The following ABCB11 variants were observed in gnomAD, a reference collection of about 807,000 sequenced individuals.
The protein encoded by ABCB11 is ATP binding cassette subfamily B member 11.
ABCB11 carries 95 observed loss-of-function variants against 148.0 expected under a neutral mutation model. The ratio of observed to expected loss-of-function variants is 0.64; its 90% CI spans 0.54 to 0.76. The LOEUF (loss-of-function observed/expected upper bound fraction) is 0.76, where lower values mean the gene tolerates loss of function less well. Ranked by LOEUF, ABCB11 falls within the 30% of genes least tolerant of loss-of-function variation. The pLI is 0.00. For synonymous variants in ABCB11, 591 were observed against 555.4 expected, an observed-to-expected ratio of 1.06 and a Z score of -0.90; for missense variants, 1,523 against 1,617.8, an observed-to-expected ratio of 0.94 and a Z score of 1.01.
At chr2:168,959,934 C>CAAA (rs375450217) in intron 18 of ABCB11, among the ~76,000 whole-genome samples, 12 of 87,182 alleles carry the variant, frequency 1.4e-4, no homozygotes, top group African/African-American at 2.3e-4. Context: ...ACTGCATCTC[C>CAAA]AAAAAAAAAA....
At chr2:168,987,823 A>C (rs1368479214) in intron 9 of ABCB11, among the ~76,000 whole-genome samples, 1 of 152,222 alleles carries the variant, frequency 6.6e-6, no homozygotes, top group Non-Finnish European at 1.5e-5. Flanking sequence ...GTGTTCAATA[A>C]AAATGTGTGA....
chr2:168,929,228 A>C (rs1691455647), intron 25 of ABCB11, among the ~76,000 whole-genome samples: 1 of 152,182 alleles, frequency 6.6e-6, no homozygotes, highest in Non-Finnish European at 1.5e-5. Context: ...AAAACTAGAA[A>C]AAGGAATGTA....
chr2:168,980,834 A>G (rs1245209306), intron 10 of ABCB11, among the ~76,000 whole-genome samples: 1 of 152,150 alleles, frequency 6.6e-6, no homozygotes, highest in Non-Finnish European at 1.5e-5. Context: ...TTCCTACCAA[A>G]TAGCACTCTG....
chr2:169,019,315 A>C (rs1695467834), intron 1 of ABCB11, among the ~76,000 whole-genome samples: 1 of 152,214 alleles, frequency 6.6e-6, no homozygotes, highest in Admixed American at 6.5e-5. Context: ...ATAATTAAAG[A>C]GATAATTGCT....
chr2:169,023,957 C>A (rs1695613640), intron 1 of ABCB11, among the ~76,000 whole-genome samples: 1 of 152,068 alleles, frequency 6.6e-6, no homozygotes, highest in Non-Finnish European at 1.5e-5. Context: ...TTAAGTTTTT[C>A]TCTTTTTTTT....
Position 169,015,600 on chromosome 2 carries a change from G to A in ABCB11, c.98+1178C>T, listed in dbSNP as rs375581796. 1.6e-4 allele frequency among the ~76,000 whole-genome samples: 25 copies of A among 151,982 alleles called. No individual in the cohort carries two copies. The East Asian group carries it at 3.3e-3, about 20-fold the overall frequency. ...CCACAGGGACAGCTCCATCACCTCC[G>A]CTAGACCTTCCTTTGAAATCACCTA... On this transcript the variant is annotated intron_variant, in intron 3 of 27. Coordinates refer to ENST00000650372, the MANE Select transcript of ABCB11 (RefSeq NM_003742.4).
intron 19 of ABCB11, among the ~76,000 whole-genome samples, chr2:168,955,861 C>G (rs954231842): frequency 1.3e-5 from 2 of 151,650 alleles, no homozygotes; most frequent in African/African-American, 4.8e-5. Context: ...GTAAATCCTT[C>G]TGTTCTAAAA....
chr2:168,947,013 T>G (rs897978591), intron 19 of ABCB11, among the ~76,000 whole-genome samples: 5 of 151,876 alleles, frequency 3.3e-5, no homozygotes, highest in African/African-American at 1.2e-4. Flanking sequence ...ATTGTTGAAA[T>G]GCAACTCCAA....
chr2:168,932,160 C>G (rs556921760), intron 24 of ABCB11, among the ~76,000 whole-genome samples: 1 of 152,154 alleles, frequency 6.6e-6, no homozygotes, highest in African/African-American at 2.4e-5. Context: ...TCCCCTACCC[C>G]ACACCATCCC....
downstream of ABCB11, among the ~76,000 whole-genome samples, chr2:168,917,837 A>G (rs750705763): frequency 6.6e-6 from 1 of 152,234 alleles, no homozygotes; most frequent in Non-Finnish European, 1.5e-5. Context: ...AGTAGCCACT[A>G]GTGGCTCTTG....
chr2:168,960,046 G>A (rs1299753382), intron 18 of ABCB11, among the ~76,000 whole-genome samples: 2 of 150,690 alleles, frequency 1.3e-5, no homozygotes, highest in Non-Finnish European at 3.0e-5. Flanking sequence ...GCTTGCAATA[G>A]AGCAAAATAT....
intron 21 of ABCB11, among the ~76,000 whole-genome samples, chr2:168,938,135 G>A (rs573303341): frequency 3.3e-5 from 5 of 152,282 alleles, no homozygotes; most frequent in African/African-American, 9.6e-5. Flanking sequence ...ATACTGAATT[G>A]AAGACACAAA....
Position 168,993,748 on chromosome 2 carries a change from C to T in ABCB11, c.746G>A (p.Ser249Asn). ...GGCTGCTCCAATCCCAATGAGAGGG[C>T]TGACAGAAATAATAACCAAGGTCAG... ...WKLTLVIISV[S>N]PLIGIGAATI... The change falls in exon 8 of 28, where the codon AGC becomes AAC. Residue 249 changes from serine (S) to asparagine (N), a missense_variant. By Grantham distance (46) the Ser-to-Asn change is conservative. Coordinates refer to ENST00000650372, the MANE Select transcript of ABCB11 (RefSeq NM_003742.4). 1.9e-6 allele frequency: 3 copies of T among 1,610,018 alleles called. No homozygotes were observed. The highest frequency in any genetic ancestry group is 2.5e-6 in the Non-Finnish European group (3 of 1,178,028).
chr2:168,922,207 A>G lies in ABCB11; in HGVS notation c.*1415T>C, dbSNP rs1370556437. On this transcript the variant is annotated 3_prime_UTR_variant, in exon 28 of 28. Transcript: ENST00000650372. ...GAAAATCATTCTTCAATCTCCTGCC[A>G]GAAGAGAGGGGCTGGGAGTTCTTCT... 2.6e-5 allele frequency among the ~76,000 whole-genome samples: 4 copies of G among 152,168 alleles called. No homozygotes were observed. The highest frequency in any genetic ancestry group is 5.9e-5 in the Non-Finnish European group (4 of 68,018).
Position 168,969,546 on chromosome 2 carries a change from C to T in ABCB11, c.1815G>A (p.Gln605=). 1 of 1,611,972 alleles carries T rather than the reference C, an allele frequency of 6.2e-7. No homozygotes were observed. Among genetic ancestry groups the T allele is most frequent in the Middle Eastern group, 1.7e-4 (1 of 6,048 alleles). Residue 605 remains glutamine (Q), a synonymous_variant, in exon 16 of 28, where the codon CAG becomes CAA. Transcript: ENST00000650372. ...CAACTGAAATGATTGTGTGCCCATG[C>T]TGAATCTGTAAGAATGTACAGTGCA... The part of the protein sequence containing the change: ...AMVQEVLSKI[Q]HGHTIISVAH...
intron 5 of ABCB11, among the ~76,000 whole-genome samples, chr2:169,009,537 A>G (rs987471939): frequency 1.5e-5 from 2 of 129,468 alleles, no homozygotes; most frequent in African/African-American, 5.8e-5. Context: ...ATGAGAACAC[A>G]TGGACACAGG....
intron 18 of ABCB11, 59 bp downstream of exon 18, chr2:168,964,147 C>T (rs1693194860): frequency 8.4e-6 from 11 of 1,302,890 alleles, no homozygotes; most frequent in Non-Finnish European, 4.3e-6. Flanking sequence ...TTAAAGGGTA[C>T]CCAACAGTCC....
intron 19 of ABCB11, among the ~76,000 whole-genome samples, chr2:168,949,933 C>T (rs1692483581): frequency 6.6e-6 from 1 of 151,410 alleles, no homozygotes; most frequent in Non-Finnish European, 1.5e-5. Flanking sequence ...GCCTCCCAGC[C>T]TACATCTTTC....
chr2:168,934,110 TAAATTATTCTA>T (rs1366800093), intron 23 of ABCB11, among the ~76,000 whole-genome samples: 5 of 152,168 alleles, frequency 3.3e-5, no homozygotes, highest in Non-Finnish European at 4.4e-5. Context: ...AAAATTATTC[TAAATTATTCTA>T]AAATTATTCT....
Sources: allele counts gnomAD v4.1 joint callset (sites outside exome capture counted in the v4.1 genomes callset), GRCh38; gene constraint gnomAD v4.1.1; transcripts MANE v1.5; gene names NCBI Gene and HGNC (gene_info 2026-07-23, HGNC 2026-07-21).